The following MFAP4 variants were observed in gnomAD, a reference collection of about 807,000 sequenced individuals.
The protein encoded by MFAP4 is microfibril-associated glycoprotein 4.
MFAP4 carries 20 observed loss-of-function variants against 32.4 expected under a neutral mutation model. The observed-to-expected ratio is 0.62, with a 90% CI of 0.43 to 0.90. MFAP4 has a LOEUF of 0.90. Ranked by LOEUF, MFAP4 falls within the 40% of genes least tolerant of loss-of-function variation. MFAP4 has a pLI of 0.00. For missense variants in MFAP4, 267 were observed against 329.5 expected (o/e 0.81, Z 1.47); for synonymous variants, 146 against 137.4 (o/e 1.06, Z -0.44).
At chr17:19,385,570 T>TGG in intron 3 of MFAP4, 116 bp from the exon 4 acceptor site, 1 of 496,786 alleles carries the variant, frequency 2.0e-6, no homozygotes, top group Non-Finnish European at 3.8e-6. Flanking sequence ...GTTAAAGGAC[T>TGG]GGGTTGGGGG....
chr17:19,387,007 ACT>A (rs764014787), intron 1 of MFAP4, 141 bp downstream of exon 1: 7 of 250,434 alleles, frequency 2.8e-5, no homozygotes, highest in Non-Finnish European at 3.7e-5. Flanking sequence ...AAGTAACCCC[ACT>A]CTCTGGGACG....
At position 19,386,304 on chromosome 17, in the gene MFAP4, A is replaced by G. The variant is rs770815135; in HGVS notation, c.240+6T>C. ...GCTCTGGCCTCTGTTCCCTCCTCCC[A>G]CTCACCGTCCACTTCCCGCCCTCGG... On this transcript the variant is annotated splice_donor_region_variant and intron_variant, in intron 3 of 5. Coordinates refer to ENST00000299610, the MANE Select transcript of MFAP4 (RefSeq NM_002404.3). 1.6e-5 allele frequency: 26 copies of G among 1,588,760 alleles called. No individual in the cohort carries two copies. The highest frequency in any genetic ancestry group is 2.2e-5 in the Non-Finnish European group (26 of 1,167,066).
rs1237957341 is a variant in MFAP4, at chr17:19,385,243, A to G, written c.376T>C (p.Tyr126His). Residue 126 changes from tyrosine to histidine, a missense_variant, in exon 5 of 6, where the codon TAT (tyrosine) becomes CAT (histidine). Physicochemically the swap from Tyr to His is moderately conservative, Grantham distance 83. Around this residue, in one of 3 missense-constraint regions of MFAP4, gnomAD observed 223 missense variants for 253.3 expected, o/e 0.88. Transcript: ENST00000299610. ...TCCTCCAAGTCCACTCGCAGCTCAT[A>G]CTTCTGCTTCAGTGTCAGGAGGTGC... ...NMHLLTLKQK[Y>H]ELRVDLEDFE... 1 of 1,614,240 alleles carries G rather than the reference A, an allele frequency of 6.2e-7. No homozygotes were observed. The highest frequency in any genetic ancestry group is 8.5e-7 in the Non-Finnish European group (1 of 1,180,032).
At position 19,383,899 on chromosome 17, in the gene MFAP4, A is replaced by G. The variant is rs1185039142; in HGVS notation, c.*563T>C. Reference sequence around the variant, plus strand: ...TCAGGGGAAGCTGAGTATGATAGTGAGGTGGGCTGGGGTTCCACGGTACTC... The same window carrying G: ...TCAGGGGAAGCTGAGTATGATAGTGGGGTGGGCTGGGGTTCCACGGTACTC... On this transcript the variant is annotated 3_prime_UTR_variant, in exon 6 of 6. Transcript: ENST00000299610. 2 of 157,236 alleles carry G rather than the reference A, an allele frequency of 1.3e-5. No homozygotes were observed. Among genetic ancestry groups the G allele is most frequent in the Non-Finnish European group, 2.8e-5 (2 of 71,090 alleles). The allele number at this position is 157,236 out of a possible 1,614,324, so 9.7% of individuals were successfully genotyped here.
chr17:19,385,764 T>C (rs1913010088), intron 3 of MFAP4, among the ~76,000 whole-genome samples: 1 of 152,216 alleles, frequency 6.6e-6, no homozygotes, highest in Admixed American at 6.5e-5. Flanking sequence ...GGCAAGTTAC[T>C]TCACCTCTCT....
chr17:19,386,367 GC>G lies in MFAP4; in HGVS notation c.182del (p.Gly61AlafsTer12). 6.2e-7 allele frequency: 1 copy of G among 1,613,848 alleles called. No individual in the cohort carries two copies. The highest frequency in any genetic ancestry group is 8.5e-7 in the Non-Finnish European group (1 of 1,179,912). On this transcript the variant is annotated frameshift_variant, in exon 3 of 6. Transcript: ENST00000299610. LOFTEE classifies it high-confidence loss of function. ...SDGVYLIYPS[G>X]PSVPVPVFCD... is the part of the protein sequence containing the mutation. ...AGAAGACGGGCACAGGCACACTGGG[GC>G]CCGAGGGGTAGATGAGGTACACGCC...
At position 19,384,109 on chromosome 17, in the gene MFAP4, C is replaced by T; in HGVS notation, c.*353G>A. 1 of 335,914 alleles carries T rather than the reference C, an allele frequency of 3.0e-6. No individual in the cohort carries two copies. The highest frequency in any genetic ancestry group is 2.6e-5 in the South Asian group (1 of 37,854). The allele number at this position is 335,914 out of a possible 1,614,324, so 20.8% of individuals were successfully genotyped here. On this transcript the variant is annotated 3_prime_UTR_variant, in exon 6 of 6. Transcript: ENST00000299610. ...AGTGAGGAAGCAGGACAAGATGGAC[C>T]ACAAAGGCCTGCAGCTGGGAGAGTG...
intron 5 of MFAP4, 88 bp downstream of exon 5, chr17:19,385,011 G>A: frequency 1.4e-6 from 2 of 1,461,184 alleles, no homozygotes; most frequent in Non-Finnish European, 1.9e-6. Flanking sequence ...TGAAGGAGGG[G>A]CCTGAAGGAG....
intron 3 of MFAP4, 55 bp from the exon 4 acceptor site, chr17:19,385,509 G>A (rs1282943408): frequency 6.6e-7 from 1 of 1,521,134 alleles, no homozygotes; most frequent in African/African-American, 1.4e-5. Context: ...CAAGGTTCTG[G>A]TCCTGCCCTG....
At position 19,384,405 on chromosome 17, in the gene MFAP4, C is replaced by T; in HGVS notation, c.*57G>A. 1 of 1,525,226 alleles carries T rather than the reference C, an allele frequency of 6.6e-7. No homozygotes were observed. The highest frequency in any genetic ancestry group is 2.2e-4 in the Middle Eastern group (1 of 4,544). The allele number at this position is 1,525,226 out of a possible 1,614,324, so 94.5% of individuals were successfully genotyped here. ...CATGCATCAGGGGCAGCAGAGGGAG[C>T]ACTCATGGAGACCATGGGTGTCCAG... On this transcript the variant is annotated 3_prime_UTR_variant, in exon 6 of 6. Transcript: ENST00000299610.
Position 19,384,536 on chromosome 17 carries a change from C to T in MFAP4, c.694G>A (p.Gly232Ser). 6.2e-7 allele frequency: 1 copy of T among 1,613,712 alleles called. No individual in the cohort carries two copies. Among genetic ancestry groups the T allele is most frequent in the Non-Finnish European group, 8.5e-7 (1 of 1,179,800 alleles). Reference sequence around the variant, plus strand: ...CCCTTCCACTGGGCCCAGTTGATGCCATTGGCATAAGAGAGGTGGGAGCCA... The same window carrying T: ...CCCTTCCACTGGGCCCAGTTGATGCTATTGGCATAAGAGAGGTGGGAGCCA... Reference protein sequence around the residue: ...LGGSHLSYANGINWAQWKGFY... With the variant: ...LGGSHLSYANSINWAQWKGFY... The change falls in exon 6 of 6, where the codon GGC becomes AGC. Residue 232 changes from glycine to serine, a missense_variant. By Grantham distance (56) the Gly-to-Ser change is moderately conservative. Transcript: ENST00000299610.
In MFAP4 at chr17:19,385,398, G is replaced by A; in HGVS notation, c.297C>T (p.Tyr99=). 4.3e-6 allele frequency: 7 copies of A among 1,614,278 alleles called. No individual in the cohort carries two copies. Among genetic ancestry groups the A allele is most frequent in the Non-Finnish European group, 5.9e-6 (7 of 1,180,048 alleles). The change falls in exon 4 of 6, where the codon TAC becomes TAT. Residue 99 remains tyrosine (Y), a synonymous_variant. Transcript: ENST00000299610. ...SVSFFRGWND[Y]KLGFGRADGE... is the part of the protein sequence containing the mutation. ...CATCAGCACGGCCGAAGCCCAGCTT[G>A]TAGTCATTCCAGCCGCGGAAGAAAC... is the stretch of plus-strand genomic sequence containing the variant.
At chr17:19,384,905 T>G (rs542310736) in intron 5 of MFAP4, among the ~76,000 whole-genome samples, 194 bp downstream of exon 5, 159 of 152,382 alleles carry the variant, frequency 1.0e-3, no homozygotes, top group African/African-American at 3.6e-3. Flanking sequence ...CAGAGTTGCC[T>G]GGAGCAGGGC....
rs1912920149 is a variant in MFAP4 at position 19,383,851 on chromosome 17, G to A, written c.*611C>T. On this transcript the variant is annotated 3_prime_UTR_variant, in exon 6 of 6. Transcript: ENST00000299610. ...GCGGTAGCTGTGTTCTTGGCATAGAGCTTCAGGGGCTGGGATGGGCCATCA... is the reference window on the plus strand; with the variant it reads ...GCGGTAGCTGTGTTCTTGGCATAGAACTTCAGGGGCTGGGATGGGCCATCA... 1 of 156,402 alleles carries A rather than the reference G, an allele frequency of 6.4e-6. No individual in the cohort carries two copies. The allele number at this position is 156,402 out of a possible 1,614,324, so 9.7% of individuals were successfully genotyped here. A position where few individuals can be genotyped will look rare whatever the true frequency, so the allele number is the denominator to read the frequency against.
rs376679128 is a variant in MFAP4, at chr17:19,387,145, C to T, written c.6+5G>A. On this transcript the variant is annotated splice_donor_5th_base_variant and intron_variant, in intron 1 of 5. Transcript: ENST00000299610. ...CTATGAGTCCCCCGACCCTGGGCCCCGTACCTTCATGCTGTCAGTTCTGCT... is the reference window on the plus strand; with the variant it reads ...CTATGAGTCCCCCGACCCTGGGCCCTGTACCTTCATGCTGTCAGTTCTGCT... 129 of 1,610,220 alleles carry T rather than the reference C, an allele frequency of 8.0e-5. No individual in the cohort carries two copies. Among genetic ancestry groups the T allele is most frequent in the Non-Finnish European group, 9.2e-5 (108 of 1,178,178 alleles).
Position 19,385,438 on chromosome 17 carries a change from A to G in MFAP4, c.257T>C (p.Phe86Ser). 6.2e-7 allele frequency: 1 copy of G among 1,614,224 alleles called. No homozygotes were observed. Among genetic ancestry groups the G allele is most frequent in the Non-Finnish European group, 8.5e-7 (1 of 1,180,026 alleles). ...GCGGAAGAAACTTACTGAGCCATTG[A>G]ATCTCTTCTGGAAAACCTGGAGCAG... ...GGKWTVFQKR[F>S]NGSVSFFRGW... is the part of the protein sequence containing the mutation. Residue 86 changes from phenylalanine (F) to serine (S), a missense_variant, in exon 4 of 6, where the codon TTC becomes TCC. By Grantham distance (155) the Phe-to-Ser change is radical. Coordinates refer to ENST00000299610, the MANE Select transcript of MFAP4 (RefSeq NM_002404.3).
chr17:19,384,302 G>C lies in MFAP4; in HGVS notation c.*160C>G, dbSNP rs1912939356. On this transcript the variant is annotated 3_prime_UTR_variant, in exon 6 of 6. Transcript: ENST00000299610. The stretch of plus-strand genomic sequence containing the variant: ...TCTGGCTTAGGAATGGATGCCCTGG[G>C]TGTGTGACAGGGATGTGGCATGGCT... 7.0e-6 allele frequency: 6 copies of C among 851,332 alleles called. No individual in the cohort carries two copies. In the East Asian group the frequency reaches 1.6e-4, roughly 23 times the overall value. The allele number at this position is 851,332 out of a possible 1,614,324, so 52.7% of individuals were successfully genotyped here. A position where few individuals can be genotyped will look rare whatever the true frequency, so the allele number is the denominator to read the frequency against.
Position 19,385,144 on chromosome 17 carries a change from C to G in MFAP4, c.475G>C (p.Asp159His). ...CCTGCCACAAAGAGGGTGTAGCCATCCTCCTCTGCGCTGACCGCGTTCGGG... is the reference window on the plus strand; with the variant it reads ...CCTGCCACAAAGAGGGTGTAGCCATGCTCCTCTGCGCTGACCGCGTTCGGG... ...ISPNAVSAEE[D>H]GYTLFVAGFE... The change falls in exon 5 of 6, where the codon GAT becomes CAT. Residue 159 changes from aspartate (D) to histidine (H), a missense_variant. Asp to His is a moderately conservative substitution (Grantham distance 81). Coordinates refer to ENST00000299610, the MANE Select transcript of MFAP4 (RefSeq NM_002404.3). 1 of 1,614,258 alleles carries G rather than the reference C, an allele frequency of 6.2e-7. No homozygotes were observed. Among genetic ancestry groups the G allele is most frequent in the Non-Finnish European group, 8.5e-7 (1 of 1,180,040 alleles).
intron 3 of MFAP4, among the ~76,000 whole-genome samples, chr17:19,385,797 C>G (rs1368301227): frequency 2.0e-5 from 3 of 152,202 alleles, no homozygotes; most frequent in Non-Finnish European, 4.4e-5. Flanking sequence ...CTCACTACTT[C>G]CCAGGATTAT....
Sources: allele counts gnomAD v4.1 joint callset (sites outside exome capture counted in the v4.1 genomes callset), GRCh38; gene constraint gnomAD v4.1.1; regional missense constraint gnomAD v4.1.1; transcripts MANE v1.5; gene names NCBI Gene and HGNC (gene_info 2026-07-23, HGNC 2026-07-21).